Variants in DSC3 observed in about 807,000 individuals in gnomAD.
DSC3 encodes desmocollin-3.
Under a neutral mutation model 89.5 loss-of-function variants are expected in DSC3, and 97 were observed. That is an observed-to-expected ratio of 1.08 (90% CI 0.92 to 1.28). DSC3 has a LOEUF of 1.28. DSC3 is among the 50% of genes most tolerant of loss of function. The probability of loss-of-function intolerance (pLI) is 0.00; values close to 1 mark genes in which losing one functional copy is unlikely to be tolerated. For missense variants in DSC3, 1,199 were observed against 1,085.3 expected (o/e 1.10, Z -1.47); for synonymous variants, 436 against 384.1 (o/e 1.14, Z -1.58).
Position 31,016,361 on chromosome 18 carries a change from A to G in DSC3, c.1263+1710T>C, listed in dbSNP as rs1375499151. ...CTTGAATTCTTTTCCAGGTGAAGCC[A>G]GGAACCCTCTGGGCTGAGCCCCAAT... On this transcript the variant is annotated intron_variant, in intron 9 of 15. Coordinates refer to ENST00000360428, the MANE Select transcript of DSC3 (RefSeq NM_001941.5). 5.3e-5 allele frequency among the ~76,000 whole-genome samples: 8 copies of G among 152,332 alleles called. No homozygotes were observed. The East Asian group carries it at 1.3e-3, about 26-fold the overall frequency.
At chr18:31,040,500 A>AT (rs891732576) in intron 1 of DSC3, among the ~76,000 whole-genome samples, 2 of 152,042 alleles carry the variant, frequency 1.3e-5, no homozygotes, top group East Asian at 1.9e-4. Context: ...TCTCCCTGTC[A>AT]TTTTTTTCTT....
At chr18:31,039,184 A>G (rs973635452) in intron 1 of DSC3, among the ~76,000 whole-genome samples, 2 of 152,168 alleles carry the variant, frequency 1.3e-5, no homozygotes, top group Admixed American at 6.5e-5. Flanking sequence ...GTTTTGTTGC[A>G]TTTTATAGTA....
intron 13 of DSC3, among the ~76,000 whole-genome samples, 197 bp from the exon 14 acceptor site, chr18:31,001,936 A>AT (rs1026931908): frequency 6.6e-6 from 1 of 152,124 alleles, no homozygotes; most frequent in African/African-American, 2.4e-5. Context: ...AATCATCTGT[A>AT]TTTTTTCATT....
chr18:30,998,647 G>A (rs35956953), intron 14 of DSC3, among the ~76,000 whole-genome samples: 1,748 of 152,258 alleles, frequency 0.011, 33 homozygotes, highest in African/African-American at 0.04. Flanking sequence ...CACATTTTAA[G>A]GGGAGGGTAA....
Position 31,018,204 on chromosome 18 carries a change from G to A in DSC3, c.1130C>T (p.Pro377Leu), listed in dbSNP as rs772456814. 6.2e-7 allele frequency: 1 copy of A among 1,611,822 alleles called. No homozygotes were observed. The change falls in exon 9 of 16, where the codon CCT becomes CTT. Residue 377 changes from proline to leucine, a missense_variant. Coordinates refer to ENST00000360428, the MANE Select transcript of DSC3 (RefSeq NM_001941.5). ...GTTAATTAAATCCTTATCTTCTATA[G>A]GTATTCGTAAGATTTCCACATTGAA... Reference protein sequence around the residue: ...NAFNVEILRIPIEDKDLINTA... With the variant: ...NAFNVEILRILIEDKDLINTA...
intron 9 of DSC3, among the ~76,000 whole-genome samples, chr18:31,013,838 T>C (rs1261427147): frequency 2.0e-5 from 3 of 152,082 alleles, no homozygotes; most frequent in African/African-American, 4.8e-5. Flanking sequence ...AATCAGGCAA[T>C]AAAGCAACCA....
At position 30,996,865 on chromosome 18, in the gene DSC3, C is replaced by T. The variant is rs754936507; in HGVS notation, c.2419G>A (p.Gly807Arg). 13 of 1,613,702 alleles carry T rather than the reference C, an allele frequency of 8.1e-6. No individual in the cohort carries two copies. In the East Asian group the frequency reaches 2.9e-4, roughly 36 times the overall value. The change falls in exon 15 of 16, where the codon GGA (glycine) becomes AGA (arginine). Residue 807 changes from glycine to arginine, a missense_variant. Transcript: ENST00000360428. ...CTGCAGTTGTCCACCTCCGTGTGTC[C>T]TCCCCTGCAGGAGTCCAGGGTATGA... ...HHHTLDSCRG[G>R]HTEVDNCRYT... is the part of the protein sequence containing the mutation.
intron 4 of DSC3, among the ~76,000 whole-genome samples, chr18:31,026,604 G>A (rs572272539): frequency 7.9e-5 from 12 of 152,112 alleles, no homozygotes; most frequent in African/African-American, 2.7e-4. Context: ...ATAATTTAAA[G>A]GTACAGCCAT....
At chr18:31,027,403 C>T (rs568026343) in intron 4 of DSC3, among the ~76,000 whole-genome samples, 127 of 152,150 alleles carry the variant, frequency 8.3e-4, no homozygotes, top group Middle Eastern at 3.4e-3. Context: ...TTGAGGTAGG[C>T]AGGTGTCTCA....
intron 15 of DSC3, among the ~76,000 whole-genome samples, chr18:30,995,543 T>C (rs1661903353): frequency 6.6e-6 from 1 of 152,178 alleles, no homozygotes; most frequent in Admixed American, 6.5e-5. Context: ...TCTAATCCAG[T>C]GGCTTTCTAC....
In DSC3 at chr18:31,004,247, C is replaced by G; in HGVS notation, c.2008G>C (p.Glu670Gln). Residue 670 changes from glutamate (E) to glutamine (Q), a missense_variant, in exon 13 of 16, where the codon GAA (glutamate) becomes CAA (glutamine). Physicochemically the swap from Glu to Gln is conservative, Grantham distance 29. Transcript: ENST00000360428. ...CGACACTGAGTTGGATGAGTACATTCACACAGATTAACTCTCAATAATTTT... is the reference window on the plus strand; with the variant it reads ...CGACACTGAGTTGGATGAGTACATTGACACAGATTAACTCTCAATAATTTT... Reference protein sequence around the residue: ...ATKLLRVNLCECTHPTQCRAT... With the variant: ...ATKLLRVNLCQCTHPTQCRAT... The G allele has an allele frequency of 6.2e-7, 1 of 1,614,012 alleles. No individual in the cohort carries two copies. The highest frequency in any genetic ancestry group is 8.5e-7 in the Non-Finnish European group (1 of 1,179,930).
chr18:31,031,925 CAT>C (rs1375771101), intron 2 of DSC3, among the ~76,000 whole-genome samples: 1 of 152,174 alleles, frequency 6.6e-6, no homozygotes, highest in Non-Finnish European at 1.5e-5. Context: ...ATTTGCTGTC[CAT>C]GAGTCGTGTT....
intron 6 of DSC3, among the ~76,000 whole-genome samples, chr18:31,024,144 T>A (rs1231581222): frequency 6.6e-6 from 1 of 152,250 alleles, no homozygotes; most frequent in Non-Finnish European, 1.5e-5. Flanking sequence ...ATTAGTATCA[T>A]ATTGACAATG....
intron 5 of DSC3, among the ~76,000 whole-genome samples, chr18:31,024,794 C>G (rs1026090059): frequency 6.6e-6 from 1 of 152,082 alleles, no homozygotes; most frequent in African/African-American, 2.4e-5. Flanking sequence ...TCTCTATAAT[C>G]AGAAAATTAT....
chr18:31,020,238 G>C (rs1181185942), intron 7 of DSC3, among the ~76,000 whole-genome samples: 2 of 152,072 alleles, frequency 1.3e-5, no homozygotes, highest in African/African-American at 4.8e-5. Context: ...GCAGGAATCA[G>C]ATTATTCAAT....
In DSC3 at chr18:31,018,225, T is replaced by C. The variant is rs1245785668; in HGVS notation, c.1109A>G (p.Asn370Ser). 2 of 1,611,840 alleles carry C rather than the reference T, an allele frequency of 1.2e-6. No individual in the cohort carries two copies. Among genetic ancestry groups the C allele is most frequent in the South Asian group, 1.1e-5 (1 of 90,788 alleles). Residue 370 changes from asparagine to serine, a missense_variant, in exon 9 of 16, where the codon AAT becomes AGT. Coordinates refer to ENST00000360428, the MANE Select transcript of DSC3 (RefSeq NM_001941.5). ...YEAFVEENAFNVEILRIPIED... is the reference protein window; with the variant it reads ...YEAFVEENAFSVEILRIPIED... ...TATAGGTATTCGTAAGATTTCCACATTGAATGCATTTTCCTCTACAAATGC... is the reference window on the plus strand; with the variant it reads ...TATAGGTATTCGTAAGATTTCCACACTGAATGCATTTTCCTCTACAAATGC...
chr18:31,001,581 G>T, intron 14 of DSC3, 37 bp downstream of exon 14: 1 of 1,597,524 alleles, frequency 6.3e-7, no homozygotes, highest in Non-Finnish European at 8.5e-7. Flanking sequence ...TTAAATTATC[G>T]GAGATACAAA....
chr18:31,028,155 A>G (rs1405100398), intron 4 of DSC3, among the ~76,000 whole-genome samples: 1 of 152,110 alleles, frequency 6.6e-6, no homozygotes, highest in Non-Finnish European at 1.5e-5. Flanking sequence ...ATATCAAGAA[A>G]CAAGAGGTAA....
intron 9 of DSC3, among the ~76,000 whole-genome samples, chr18:31,010,330 T>C (rs1313809400): frequency 6.6e-6 from 1 of 152,220 alleles, no homozygotes; most frequent in Non-Finnish European, 1.5e-5. Context: ...GCTGGTGTGA[T>C]CACACAGAGA....
Sources: gnomAD v4.1 joint callset for allele counts (sites outside exome capture counted in the v4.1 genomes callset) on GRCh38, gnomAD v4.1.1 for gene constraint, MANE v1.5 for transcripts, NCBI Gene and HGNC (gene_info 2026-07-23, HGNC 2026-07-21) for gene names.